CELF2: variants seen among roughly 807,000 people sequenced by gnomAD.
The protein encoded by CELF2 is CUG triplet repeat RNA-binding protein 2.
A neutral mutation model predicts 62.6 loss-of-function variants in CELF2; 8 were observed. The ratio of observed to expected loss-of-function variants is 0.13; its 90% CI spans 0.07 to 0.23. The LOEUF is 0.23. Ranked by LOEUF, CELF2 falls within the 10% of genes least tolerant of loss-of-function variation. CELF2 has a pLI of 1.00. For missense variants in CELF2, 333 were observed against 671.0 expected (o/e 0.50, Z 5.56); for synonymous variants, 258 against 250.0 (o/e 1.03, Z -0.30).
chr10:10,551,348 G>T, the CELF2 span, among the ~76,000 whole-genome samples: 2 of 152,136 alleles, frequency 1.3e-5, no homozygotes, highest in African/African-American at 4.8e-5. Flanking sequence ...GTACCCCGGG[G>T]AGGAGAGAAG....
At chr10:10,596,340 GT>G in the CELF2 span, among the ~76,000 whole-genome samples, 1 of 151,994 alleles carries the variant, frequency 6.6e-6, no homozygotes, top group African/African-American at 2.4e-5. Flanking sequence ...AAGAAAGTTA[GT>G]TTTTGCTTCC....
intron 1 of CELF2, among the ~76,000 whole-genome samples, chr10:10,853,663 C>T (rs781767636): frequency 1.3e-5 from 2 of 151,108 alleles, no homozygotes; most frequent in African/African-American, 2.4e-5. Context: ...CCCCTTATTG[C>T]GAGACTAGGT....
rs547984779 is a variant in CELF2 at position 11,227,107 on chromosome 10, C to G, written c.354+9600C>G. 6.6e-6 allele frequency among the ~76,000 whole-genome samples: 1 copy of G among 152,326 alleles called. No individual in the cohort carries two copies. The highest frequency in any genetic ancestry group is 2.1e-4 in the South Asian group (1 of 4,824). On this transcript the variant is annotated intron_variant, in intron 3 of 12. Coordinates refer to ENST00000633077, the MANE Select transcript of CELF2 (RefSeq NM_001326342.2). The surrounding 1 kb of genome is among the most constrained non-coding windows in gnomAD (Gnocchi z 4.8). Reference sequence around the variant, plus strand: ...GGACTCTGTTACCTGCAACCCCAAGCTTTAGGCAGCAGGACAAGAGGCCGA... The same window carrying G: ...GGACTCTGTTACCTGCAACCCCAAGGTTTAGGCAGCAGGACAAGAGGCCGA...
chr10:10,931,698 G>A lies in CELF2; in HGVS notation c.89+11699G>A, dbSNP rs989520646. On this transcript the variant is annotated intron_variant, in intron 2 of 13. Coordinates refer to the CELF2 transcript ENST00000636488. The surrounding 1 kb of genome is among the most constrained non-coding windows in gnomAD (Gnocchi z 6.1). The stretch of plus-strand genomic sequence containing the variant: ...AAATACATACCTAATTAATAATGGA[G>A]ATGCTTATGGACACCACAATGAAAC... 6.6e-6 allele frequency among the ~76,000 whole-genome samples: 1 copy of A among 152,178 alleles called. No individual in the cohort carries two copies. The highest frequency in any genetic ancestry group is 2.4e-5 in the African/African-American group (1 of 41,444).
the CELF2 span, among the ~76,000 whole-genome samples, chr10:10,741,100 G>T: frequency 2.0e-5 from 3 of 152,244 alleles, no homozygotes; most frequent in East Asian, 3.9e-4. Flanking sequence ...CTAAAAAAAA[G>T]TTAGCTATAA....
rs1007335872 is a variant in CELF2 at position 11,037,076 on chromosome 10, A to G, written c.74+18913A>G. Reference sequence around the variant, plus strand: ...ATTAGTCCGTTCTCACACTGCTAATAAAGAAAGATGTACCTGAGACTGAGT... The same window carrying G: ...ATTAGTCCGTTCTCACACTGCTAATGAAGAAAGATGTACCTGAGACTGAGT... On this transcript the variant is annotated intron_variant, in intron 1 of 12. Coordinates refer to ENST00000633077, the MANE Select transcript of CELF2 (RefSeq NM_001326342.2). Among the ~76,000 whole-genome samples the G allele has an allele frequency of 1.2e-4, 4 of 32,862 alleles. No individual in the cohort carries two copies. The African/African-American group carries it at 1.5e-3, about 12-fold the overall frequency. 21.6% of individuals were successfully genotyped at this position (32,862 alleles called of 152,430 possible). A position where few individuals can be genotyped will look rare whatever the true frequency, so the allele number is the denominator to read the frequency against.
the CELF2 span, among the ~76,000 whole-genome samples, chr10:10,657,772 T>G: frequency 6.6e-6 from 1 of 152,170 alleles, no homozygotes; most frequent in Non-Finnish European, 1.5e-5. Context: ...TTCATGATAT[T>G]TTGTTTCTTA....
the CELF2 span, among the ~76,000 whole-genome samples, chr10:10,674,372 TG>T: frequency 1.1e-4 from 17 of 152,196 alleles, no homozygotes; most frequent in Non-Finnish European, 7.3e-5. Flanking sequence ...CATGGTATAT[TG>T]TTCTTTATCC....
intron 1 of CELF2, among the ~76,000 whole-genome samples, chr10:10,825,348 T>C (rs1456297251): frequency 6.6e-6 from 1 of 152,198 alleles, no homozygotes; most frequent in African/African-American, 2.4e-5. Flanking sequence ...TAGCTGGCAC[T>C]ACAGGCGCCC....
At chr10:11,022,198 A>T (rs918633312) in intron 1 of CELF2, among the ~76,000 whole-genome samples, 1 of 152,226 alleles carries the variant, frequency 6.6e-6, no homozygotes, top group African/African-American at 2.4e-5. Context: ...CTTTAAGGAA[A>T]ATTTTTGAAG....
chr10:10,466,103 C>T, the CELF2 span, among the ~76,000 whole-genome samples: 87 of 152,120 alleles, frequency 5.7e-4, no homozygotes, highest in African/African-American at 2.0e-3. Flanking sequence ...TTTAAAGTAC[C>T]GCTTGAGCAA....
rs2067034073 is a variant in CELF2 at position 11,227,499 on chromosome 10, G to A, written c.354+9992G>A. 6.6e-6 allele frequency among the ~76,000 whole-genome samples: 1 copy of A among 152,238 alleles called. No homozygotes were observed. Among genetic ancestry groups the A allele is most frequent in the Non-Finnish European group, 1.5e-5 (1 of 68,042 alleles). Reference sequence around the variant, plus strand: ...CCTCTGCATGAAGTGCTGGAAGCTTGGACATTCCTAGGCCAGTTAGGATCA... The same window carrying A: ...CCTCTGCATGAAGTGCTGGAAGCTTAGACATTCCTAGGCCAGTTAGGATCA... On this transcript the variant is annotated intron_variant, in intron 3 of 12. Coordinates refer to ENST00000633077, the MANE Select transcript of CELF2 (RefSeq NM_001326342.2). The surrounding 1 kb of genome is among the most constrained non-coding windows in gnomAD (Gnocchi z 4.8).
At chr10:10,710,910 C>A in the CELF2 span, among the ~76,000 whole-genome samples, 1 of 152,122 alleles carries the variant, frequency 6.6e-6, no homozygotes, top group Non-Finnish European at 1.5e-5. Context: ...TACTCTCAAC[C>A]CATTTTAAAA....
At chr10:10,681,027 C>T in the CELF2 span, among the ~76,000 whole-genome samples, 3 of 151,870 alleles carry the variant, frequency 2.0e-5, no homozygotes, top group East Asian at 1.9e-4. Flanking sequence ...TTTTGATTTG[C>T]TTCTCTCAAG....
At chr10:11,199,393 C>T (rs1354572121) in intron 2 of CELF2, among the ~76,000 whole-genome samples, 2 of 152,102 alleles carry the variant, frequency 1.3e-5, no homozygotes, top group Admixed American at 6.5e-5. Context: ...TCCTTGAGCC[C>T]GGGCCATCCT....
At chr10:11,135,929 G>C (rs1048445944) in intron 1 of CELF2, among the ~76,000 whole-genome samples, 2 of 152,210 alleles carry the variant, frequency 1.3e-5, no homozygotes, top group African/African-American at 4.8e-5. Flanking sequence ...TGGAGCCTAG[G>C]ATTGGCAGTT....
chr10:10,609,411 T>C, the CELF2 span, among the ~76,000 whole-genome samples: 1 of 152,142 alleles, frequency 6.6e-6, no homozygotes, highest in East Asian at 1.9e-4. Flanking sequence ...TAGAAAATGG[T>C]TAATAAATGT....
chr10:10,876,538 G>A (rs1376718444), intron 1 of CELF2, among the ~76,000 whole-genome samples: 1 of 152,144 alleles, frequency 6.6e-6, no homozygotes, highest in Non-Finnish European at 1.5e-5. Flanking sequence ...GTCTTCTAAT[G>A]AGATGTAGCA....
chr10:10,866,607 C>CA (rs55875778), intron 1 of CELF2, among the ~76,000 whole-genome samples: 3,635 of 52,174 alleles, frequency 0.07, 225 homozygotes, highest in East Asian at 0.25. Flanking sequence ...TCCATCCTCT[C>CA]AAAAAAAAAA....
Sources: allele counts gnomAD v4.1 joint callset (sites outside exome capture counted in the v4.1 genomes callset), GRCh38; gene constraint gnomAD v4.1.1; non-coding constraint Gnocchi (gnomAD v3.1); transcripts MANE v1.5; gene names NCBI Gene and HGNC (gene_info 2026-07-23, HGNC 2026-07-21).